Variants in ATP4B observed in about 807,000 individuals in gnomAD.
ATP4B encodes the protein potassium-transporting ATPase subunit beta.
A neutral mutation model predicts 35.3 loss-of-function variants in ATP4B; 27 were observed. The observed-to-expected ratio is 0.76, with a 90% CI of 0.56 to 1.05. The LOEUF is 1.05. Among genes scored for constraint, ATP4B ranks in the 50% least tolerant of loss-of-function variants. The pLI is 0.00. For synonymous variants in ATP4B, 162 were observed against 156.0 expected (o/e 1.04, Z -0.29); for missense variants, 375 against 384.8 (o/e 0.97, Z 0.21).
At chr13:113,651,540 A>T in intron 5 of ATP4B, 131 bp downstream of exon 5, 1 of 1,041,924 alleles carries the variant, frequency 9.6e-7, no homozygotes, top group Non-Finnish European at 1.3e-6. Context: ...TTCGGTGTTT[A>T]CGTCTGGTTT....
rs762958937 is a variant in ATP4B, at chr13:113,651,663, G to T, written c.612+8C>A. 4.3e-6 allele frequency: 7 copies of T among 1,609,712 alleles called. No individual in the cohort carries two copies. In the Admixed American group the frequency reaches 1.0e-4, roughly 23 times the overall value. Reference sequence around the variant, plus strand: ...GGGCAGCCCTGCCCGCCGCGCGGCCGTACTCACCAGGAAGGCGCAGTCCAC... The same window carrying T: ...GGGCAGCCCTGCCCGCCGCGCGGCCTTACTCACCAGGAAGGCGCAGTCCAC... On this transcript the variant is annotated splice_region_variant and intron_variant, in intron 5 of 6. Transcript: ENST00000335288.
intron 2 of ATP4B, among the ~76,000 whole-genome samples, chr13:113,654,331 G>A (rs557708920): frequency 1.1e-4 from 16 of 152,310 alleles, no homozygotes; most frequent in South Asian, 2.1e-4. Context: ...CTGACGACTC[G>A]GATGCCTGTT....
rs746154621 is a variant in ATP4B, at chr13:113,650,404, A to G, written c.714+2T>C. On this transcript the variant is annotated splice_donor_variant, in intron 6 of 6. Coordinates refer to ENST00000335288, the MANE Select transcript of ATP4B (RefSeq NM_000705.4). LOFTEE classifies it high-confidence loss of function. This position sits in a 1 kb window ranked among gnomAD's most constrained non-coding sequence, Gnocchi z 5.0. The stretch of plus-strand genomic sequence containing the variant: ...AGGGAAGCGTGGAAGGAAGGAACCT[A>G]CCTGGGCTTTCTTCCCGTAATAAGG... 1.2e-6 allele frequency: 2 copies of G among 1,613,400 alleles called. No homozygotes were observed. Among genetic ancestry groups the G allele is most frequent in the Non-Finnish European group, 1.7e-6 (2 of 1,179,552 alleles).
intron 1 of ATP4B, among the ~76,000 whole-genome samples, chr13:113,656,423 C>T (rs1451963816): frequency 6.6e-6 from 1 of 152,164 alleles, no homozygotes; most frequent in Non-Finnish European, 1.5e-5. Flanking sequence ...CTCCACCAGG[C>T]GGCTCAGCCC....
rs771055353 is a variant in ATP4B at position 113,654,808 on chromosome 13, G to GCTT, written c.241+3_241+5dup. 3 of 1,613,258 alleles carry GCTT rather than the reference G, an allele frequency of 1.9e-6. No homozygotes were observed. The African/African-American group carries it at 4.0e-5, about 22-fold the overall frequency. Reference sequence around the variant, plus strand: ...ACGGCATGGGGGCAACATCCCGGGCGCTTACCTGGTGACCGTAGCTGGTCT... The same window carrying GCTT: ...ACGGCATGGGGGCAACATCCCGGGCGCTTCTTACCTGGTGACCGTAGCTGGTCT... On this transcript the variant is annotated splice_donor_region_variant and intron_variant, in intron 2 of 6. Transcript: ENST00000335288.
intron 4 of ATP4B, 120 bp downstream of exon 4, chr13:113,652,753 A>C: frequency 8.8e-7 from 1 of 1,142,408 alleles, no homozygotes; most frequent in Non-Finnish European, 1.3e-6. Flanking sequence ...GTGAGGCTGG[A>C]GTCCCTGTCC....
At position 113,654,863 on chromosome 13, in the gene ATP4B, C is replaced by G; in HGVS notation, c.192G>C (p.Gln64His). 6.2e-7 allele frequency: 1 copy of G among 1,614,226 alleles called. No homozygotes were observed. The highest frequency in any genetic ancestry group is 8.5e-7 in the Non-Finnish European group (1 of 1,180,038). The part of the protein sequence containing the change: ...LFALCLYVLM[Q>H]TVDPYTPDYQ... ...AGTCCGGTGTGTACGGGTCCACTGT[C>G]TGCATCAGCACATAGAGGCACAGGG... is the stretch of plus-strand genomic sequence containing the variant. Residue 64 changes from glutamine (Q) to histidine (H), a missense_variant, in exon 2 of 7, where the codon CAG becomes CAC. Physicochemically the swap from Gln to His is conservative, Grantham distance 24. Coordinates refer to ENST00000335288, the MANE Select transcript of ATP4B (RefSeq NM_000705.4).
chr13:113,650,243 C>A lies in ATP4B; in HGVS notation c.714+163G>T, dbSNP rs902647898. 1.3e-5 allele frequency among the ~76,000 whole-genome samples: 2 copies of A among 151,824 alleles called. No individual in the cohort carries two copies. The highest frequency in any genetic ancestry group is 2.9e-5 in the Non-Finnish European group (2 of 67,994). On this transcript the variant is annotated intron_variant, in intron 6 of 6. Transcript: ENST00000335288. This position sits in a 1 kb window ranked among gnomAD's most constrained non-coding sequence, Gnocchi z 5.0. ...TGAGAGGAATGTTTCCAGGTAGATACAAGAACCTGGGCTTGGGAAACACGC... is the reference window on the plus strand; with the variant it reads ...TGAGAGGAATGTTTCCAGGTAGATAAAAGAACCTGGGCTTGGGAAACACGC...
chr13:113,656,153 G>C (rs966363560), intron 1 of ATP4B, among the ~76,000 whole-genome samples: 2 of 152,200 alleles, frequency 1.3e-5, no homozygotes, highest in African/African-American at 4.8e-5. Context: ...GAGGGTTTCT[G>C]TCCTGTCACT....
chr13:113,650,963 A>G lies in ATP4B; in HGVS notation c.613-456T>C, dbSNP rs2049707335. On this transcript the variant is annotated intron_variant, in intron 5 of 6. Coordinates refer to ENST00000335288, the MANE Select transcript of ATP4B (RefSeq NM_000705.4). This position sits in a 1 kb window ranked among gnomAD's most constrained non-coding sequence, Gnocchi z 5.0. ...GGGTAGCTCAGGGTCATCAACGAAC[A>G]GCTGAAGGGTGCTTTGGATCTGTTA... Among the ~76,000 whole-genome samples, 1 of 152,078 alleles carries G rather than the reference A, an allele frequency of 6.6e-6. No individual in the cohort carries two copies. The highest frequency in any genetic ancestry group is 6.5e-5 in the Admixed American group (1 of 15,278).
At chr13:113,653,668 G>A (rs1033601306) in intron 2 of ATP4B, among the ~76,000 whole-genome samples, 1 of 152,122 alleles carries the variant, frequency 6.6e-6, no homozygotes, top group Non-Finnish European at 1.5e-5. Flanking sequence ...GCCATGGTGG[G>A]GGGTGGGGGG....
chr13:113,649,187 G>T lies in ATP4B; in HGVS notation c.*187C>A, dbSNP rs575338743. ...AAAACTGTAAGAATTCAACAAGGAA[G>T]AACTGATACTCGCGAGCAGGTCCTT... On this transcript the variant is annotated 3_prime_UTR_variant, in exon 7 of 7. Coordinates refer to ENST00000335288, the MANE Select transcript of ATP4B (RefSeq NM_000705.4). This position sits in a 1 kb window ranked among gnomAD's most constrained non-coding sequence, Gnocchi z 4.7. The T allele has an allele frequency of 5.4e-6, 3 of 551,252 alleles. No homozygotes were observed. In the Admixed American group the frequency reaches 1.1e-4, roughly 21 times the overall value. The allele number at this position is 551,252 out of a possible 1,614,324, so 34.1% of individuals were successfully genotyped here.
At position 113,650,765 on chromosome 13, in the gene ATP4B, G is replaced by A. The variant is rs762669220; in HGVS notation, c.613-258C>T. On this transcript the variant is annotated intron_variant, in intron 5 of 6. Transcript: ENST00000335288. This position sits in a 1 kb window ranked among gnomAD's most constrained non-coding sequence, Gnocchi z 5.0. ...CAACTTGAAATGTTGGAAGGATGAC[G>A]CAGGTGGGTGAAGCTGGGAGGCGGC... Among the ~76,000 whole-genome samples, 11 of 152,178 alleles carry A rather than the reference G, an allele frequency of 7.2e-5. No homozygotes were observed. Among genetic ancestry groups the A allele is most frequent in the East Asian group, 1.9e-4 (1 of 5,194 alleles).
At position 113,653,133 on chromosome 13, in the gene ATP4B, C is replaced by G. The variant is rs188269260; in HGVS notation, c.356-61G>C. 2.4e-5 allele frequency: 37 copies of G among 1,558,898 alleles called. No individual in the cohort carries two copies. The African/African-American group carries it at 4.2e-4, about 18-fold the overall frequency. The stretch of plus-strand genomic sequence containing the variant: ...CTGGCCCTGACGCCTGGCTGCCCCC[C>G]GGGAAGGCCTTGCAAGCCCTGAGTG... On this transcript the variant is annotated intron_variant, in intron 3 of 6. Coordinates refer to ENST00000335288, the MANE Select transcript of ATP4B (RefSeq NM_000705.4).
At chr13:113,657,246 G>A (rs2049762040) in intron 1 of ATP4B, among the ~76,000 whole-genome samples, 1 of 152,178 alleles carries the variant, frequency 6.6e-6, no homozygotes, top group East Asian at 1.9e-4. Context: ...AGGAGGGCCT[G>A]ACCTTCCCTG....
intron 5 of ATP4B, 61 bp downstream of exon 5, chr13:113,651,610 A>G: frequency 7.3e-6 from 11 of 1,499,584 alleles, no homozygotes; most frequent in Non-Finnish European, 9.8e-6. Context: ...AGCATGAACC[A>G]GCACGACCCT....
chr13:113,655,661 A>C (rs2049749092), intron 1 of ATP4B, among the ~76,000 whole-genome samples: 1 of 145,672 alleles, frequency 6.9e-6, no homozygotes. Flanking sequence ...TGTGGATCGC[A>C]GGAGGCATTT....
Position 113,649,579 on chromosome 13 carries a change from GAAGTT to G in ATP4B, c.715-49_715-45del, listed in dbSNP as rs2049696354. The G allele has an allele frequency of 6.9e-7, 1 of 1,449,312 alleles. No homozygotes were observed. Among genetic ancestry groups the G allele is most frequent in the Non-Finnish European group, 9.1e-7 (1 of 1,097,266 alleles). 89.8% of individuals were successfully genotyped at this position (1,449,312 alleles called of 1,614,324 possible). ...AAGGACAGGTGTTTCAAAAATCTCT[GAAGTT>G]AAGGAGAGAAAACTAAGCAAGGAAG... On this transcript the variant is annotated intron_variant, in intron 6 of 6. Transcript: ENST00000335288. The surrounding 1 kb of genome is among the most constrained non-coding windows in gnomAD (Gnocchi z 4.7).
At position 113,649,578 on chromosome 13, in the gene ATP4B, T is replaced by G; in HGVS notation, c.715-43A>C. 1.4e-6 allele frequency: 2 copies of G among 1,450,516 alleles called. No individual in the cohort carries two copies. The highest frequency in any genetic ancestry group is 1.8e-6 in the Non-Finnish European group (2 of 1,097,640). The allele number at this position is 1,450,516 out of a possible 1,614,324, so 89.9% of individuals were successfully genotyped here. ...AAAGGACAGGTGTTTCAAAAATCTC[T>G]GAAGTTAAGGAGAGAAAACTAAGCA... On this transcript the variant is annotated intron_variant, in intron 6 of 6. Coordinates refer to ENST00000335288, the MANE Select transcript of ATP4B (RefSeq NM_000705.4). The surrounding 1 kb of genome is among the most constrained non-coding windows in gnomAD (Gnocchi z 4.7).
Sources: gnomAD v4.1 joint callset for allele counts (sites outside exome capture counted in the v4.1 genomes callset) on GRCh38, gnomAD v4.1.1 for gene constraint, Gnocchi (gnomAD v3.1) non-coding constraint, MANE v1.5 for transcripts, NCBI Gene and HGNC (gene_info 2026-07-23, HGNC 2026-07-21) for gene names.